TBCCD1: variants seen among roughly 807,000 people sequenced by gnomAD.
TBCCD1 encodes the protein TBCC domain-containing protein 1.
A neutral mutation model predicts 53.4 loss-of-function variants in TBCCD1; 26 were observed. The observed-to-expected ratio is 0.49, with a 90% CI of 0.36 to 0.68. TBCCD1 has a LOEUF of 0.68. TBCCD1 is among the 30% of genes least tolerant of loss of function. TBCCD1 has a pLI of 0.00. For missense variants in TBCCD1, 558 were observed against 669.5 expected, an observed-to-expected ratio of 0.83 and a Z score of 1.84; for synonymous variants, 245 against 241.7, an observed-to-expected ratio of 1.01 and a Z score of -0.13.
chr3:186,547,118 G>T (rs1282270263), intron 7 of TBCCD1, among the ~76,000 whole-genome samples, 163 bp from the exon 8 acceptor site: 5 of 152,052 alleles, frequency 3.3e-5, no homozygotes, highest in Non-Finnish European at 7.4e-5. Flanking sequence ...ATTCCTTTTT[G>T]CTAGGTGTAA....
intron 1 of TBCCD1, among the ~76,000 whole-genome samples, chr3:186,564,987 G>A (rs987940141): frequency 2.0e-5 from 3 of 151,350 alleles, no homozygotes; most frequent in African/African-American, 7.3e-5. Context: ...ATTTTTTTTT[G>A]TTGTAACAAT....
intron 6 of TBCCD1, 31 bp from the exon 7 acceptor site, chr3:186,551,310 T>C (rs772280232): frequency 2.5e-6 from 4 of 1,594,818 alleles, no homozygotes; most frequent in East Asian, 4.5e-5. Flanking sequence ...AAAAAGAATA[T>C]AAGAACATGA....
At chr3:186,551,935 C>T (rs943163810) in intron 6 of TBCCD1, among the ~76,000 whole-genome samples, 1 of 152,158 alleles carries the variant, frequency 6.6e-6, no homozygotes. Context: ...TAAGATCACA[C>T]CACTGCACTC....
At chr3:186,555,118 T>A in intron 4 of TBCCD1, 34 bp from the exon 5 acceptor site, 1 of 1,552,692 alleles carries the variant, frequency 6.4e-7, no homozygotes, top group Non-Finnish European at 8.7e-7. Context: ...GATGAGGCAG[T>A]ATCAAATCAA....
intron 7 of TBCCD1, among the ~76,000 whole-genome samples, chr3:186,548,628 T>C (rs1714279359): frequency 6.6e-6 from 1 of 152,228 alleles, no homozygotes; most frequent in Admixed American, 6.5e-5. Context: ...TATAATTTCT[T>C]TATATTCTTT....
chr3:186,569,341 C>T (rs899718771), upstream of TBCCD1, among the ~76,000 whole-genome samples: 2 of 102,350 alleles, frequency 2.0e-5, no homozygotes, highest in East Asian at 2.4e-4. Flanking sequence ...TATTTTGAAA[C>T]GGTGTGTCAC....
At chr3:186,552,669 T>C (rs775149482) in intron 6 of TBCCD1, among the ~76,000 whole-genome samples, 15 of 152,180 alleles carry the variant, frequency 9.9e-5, no homozygotes, top group Non-Finnish European at 1.8e-4. Flanking sequence ...TTCCTAGAAC[T>C]CTCCCCCAAA....
intron 2 of TBCCD1, among the ~76,000 whole-genome samples, chr3:186,559,581 C>T (rs1327873087): frequency 6.6e-6 from 1 of 152,198 alleles, no homozygotes; most frequent in Non-Finnish European, 1.5e-5. Context: ...CAGCTATATT[C>T]ACCCTGATTC....
At chr3:186,563,752 G>A (rs1714746478) in intron 2 of TBCCD1, among the ~76,000 whole-genome samples, 2 of 152,182 alleles carry the variant, frequency 1.3e-5, no homozygotes, top group Non-Finnish European at 2.9e-5. Context: ...AAATTTTACA[G>A]CTAATACAAA....
chr3:186,554,184 G>A, intron 6 of TBCCD1, 70 bp downstream of exon 6: 3 of 1,582,926 alleles, frequency 1.9e-6, no homozygotes, highest in Non-Finnish European at 2.6e-6. Flanking sequence ...CTGTAAAAAT[G>A]TGCAGACTAA....
chr3:186,554,415 T>G lies in TBCCD1; in HGVS notation c.1383A>C (p.Leu461Phe). 1 of 1,614,230 alleles carries G rather than the reference T, an allele frequency of 6.2e-7. No homozygotes were observed. The highest frequency in any genetic ancestry group is 8.5e-7 in the Non-Finnish European group (1 of 1,180,044). ...ENSDTRVFQL[L>F]PPCEFYVFII... The stretch of plus-strand genomic sequence containing the variant: ...TAAATACATAGAATTCACAAGGTGG[T>G]AAAAGCTGGAAGACTCTTGTGTCGC... Residue 461 changes from leucine to phenylalanine, a missense_variant, in exon 6 of 8, where the codon TTA becomes TTC. By Grantham distance (22) the Leu-to-Phe change is conservative (BLOSUM62 0). Transcript: ENST00000338733.
At chr3:186,562,013 T>G (rs1210920382) in intron 2 of TBCCD1, among the ~76,000 whole-genome samples, 1 of 152,122 alleles carries the variant, frequency 6.6e-6, no homozygotes, top group Non-Finnish European at 1.5e-5. Context: ...AAACTTGGCA[T>G]GCATATATAA....
intron 2 of TBCCD1, among the ~76,000 whole-genome samples, chr3:186,563,444 A>G (rs1408713194): frequency 2.0e-5 from 3 of 152,230 alleles, no homozygotes; most frequent in Admixed American, 2.0e-4. Context: ...TTGAGATGCT[A>G]TCCTAATCAT....
intron 7 of TBCCD1, among the ~76,000 whole-genome samples, chr3:186,548,697 TCCACA>T (rs1183468261): frequency 2.0e-5 from 3 of 152,216 alleles, no homozygotes; most frequent in Non-Finnish European, 4.4e-5. Context: ...GTGTTTCTAG[TCCACA>T]GTTTTTTTAA....
chr3:186,554,830 A>G, intron 5 of TBCCD1, 68 bp downstream of exon 5: 1 of 1,594,500 alleles, frequency 6.3e-7, no homozygotes, highest in Non-Finnish European at 8.5e-7. Flanking sequence ...ATCTGATGGC[A>G]AAAAAAGAAT....
At chr3:186,560,666 C>T (rs1399283186) in intron 2 of TBCCD1, among the ~76,000 whole-genome samples, 1 of 152,208 alleles carries the variant, frequency 6.6e-6, no homozygotes, top group Non-Finnish European at 1.5e-5. Context: ...TTATACAGCC[C>T]TACCCATGGC....
intron 1 of TBCCD1, among the ~76,000 whole-genome samples, chr3:186,565,970 T>C (rs150344569): frequency 8.5e-5 from 13 of 152,236 alleles, no homozygotes; most frequent in African/African-American, 3.1e-4. Flanking sequence ...AAAAATCAAT[T>C]ATATGACTGA....
At chr3:186,554,829 C>CA in intron 5 of TBCCD1, 69 bp downstream of exon 5, 8 of 1,591,454 alleles carry the variant, frequency 5.0e-6, no homozygotes, top group Non-Finnish European at 6.8e-6. Flanking sequence ...TATCTGATGG[C>CA]AAAAAAAGAA....
At chr3:186,549,239 G>A (rs1362494022) in intron 7 of TBCCD1, among the ~76,000 whole-genome samples, 1 of 152,138 alleles carries the variant, frequency 6.6e-6, no homozygotes, top group Non-Finnish European at 1.5e-5. Context: ...AGTGAGCCGA[G>A]ACCGCACCAC....
Sources: allele counts gnomAD v4.1 joint callset (sites outside exome capture counted in the v4.1 genomes callset), GRCh38; gene constraint gnomAD v4.1.1; transcripts MANE v1.5; gene names NCBI Gene and HGNC (gene_info 2026-07-23, HGNC 2026-07-21).